FANCC: variants seen among roughly 807,000 people sequenced by gnomAD.
FANCC encodes FA complementation group C.
In FANCC, 55 loss-of-function variants were observed where a neutral mutation model predicts 71.3. The observed-to-expected ratio is 0.77, with a 90% CI of 0.62 to 0.97. FANCC has a LOEUF of 0.97. FANCC is among the 50% of genes least tolerant of loss of function. The pLI is 0.00. For missense variants in FANCC, 678 were observed against 670.9 expected (o/e 1.01, Z -0.12); for synonymous variants, 275 against 244.9 (o/e 1.12, Z -1.15).
At chr9:95,139,958 T>C (rs1828382668) in intron 7 of FANCC, among the ~76,000 whole-genome samples, 1 of 151,546 alleles carries the variant, frequency 6.6e-6, no homozygotes, top group African/African-American at 2.4e-5. Flanking sequence ...TTCAATACGT[T>C]AGTGACAGAA....
At chr9:95,293,954 C>T in intron 1 of FANCC, 2 of 1,585,470 alleles carry the variant, frequency 1.3e-6, no homozygotes, top group Non-Finnish European at 1.7e-6. Context: ...AGTTTAGTAG[C>T]AGAGATAGTA....
chr9:95,309,436 T>A (rs976546445), intron 1 of FANCC, among the ~76,000 whole-genome samples: 1 of 152,222 alleles, frequency 6.6e-6, no homozygotes, highest in Non-Finnish European at 1.5e-5. Flanking sequence ...TTATATAGTG[T>A]TTTATTATAA....
At chr9:95,160,809 TC>T (rs1262807067) in intron 6 of FANCC, among the ~76,000 whole-genome samples, 1 of 152,200 alleles carries the variant, frequency 6.6e-6, no homozygotes, top group Non-Finnish European at 1.5e-5. Context: ...GGGAGTTCAC[TC>T]ATGATTTGGC....
chr9:95,211,346 A>G (rs1828485804), intron 4 of FANCC, among the ~76,000 whole-genome samples: 2 of 152,220 alleles, frequency 1.3e-5, no homozygotes, highest in Non-Finnish European at 2.9e-5. Flanking sequence ...GATAGAGAAA[A>G]GGCTCCAGAA....
At chr9:95,165,086 C>T (rs892799318) in intron 6 of FANCC, among the ~76,000 whole-genome samples, 1 of 151,800 alleles carries the variant, frequency 6.6e-6, no homozygotes, top group Non-Finnish European at 1.5e-5. Context: ...TCATAGTAGT[C>T]TCAATCTTTT....
At chr9:95,201,616 T>C (rs867949765) in intron 4 of FANCC, among the ~76,000 whole-genome samples, 1 of 151,842 alleles carries the variant, frequency 6.6e-6, no homozygotes. Context: ...AAGAAAAGGA[T>C]GAAGGAAAAA....
intron 1 of FANCC, among the ~76,000 whole-genome samples, chr9:95,302,490 T>G (rs1252876236): frequency 6.6e-6 from 1 of 152,170 alleles, no homozygotes; most frequent in African/African-American, 2.4e-5. Context: ...TGGGGTAGAT[T>G]CCAGGAAATT....
chr9:95,124,768 G>C (rs1439612315), intron 10 of FANCC, among the ~76,000 whole-genome samples: 1 of 152,200 alleles, frequency 6.6e-6, no homozygotes, highest in African/African-American at 2.4e-5. Flanking sequence ...GCAGCCAGGG[G>C]GCAGTGTCCT....
chr9:95,149,955 C>T lies in FANCC; in HGVS notation c.654G>A (p.Glu218=), dbSNP rs754705988. Residue 218 remains glutamate (E), a synonymous_variant, in exon 7 of 15, where the codon GAG becomes GAA. Coordinates refer to ENST00000289081, the MANE Select transcript of FANCC (RefSeq NM_000136.3). ...GREPQEILQP[E]FFEAVNEAIL... Reference sequence around the variant, plus strand: ...TGGCCTCGTTTACAGCCTCAAAGAACTCTGGCTGGAGGATTTCCTGAGGTT... The same window carrying T: ...TGGCCTCGTTTACAGCCTCAAAGAATTCTGGCTGGAGGATTTCCTGAGGTT... 15 of 1,611,044 alleles carry T rather than the reference C, an allele frequency of 9.3e-6. No individual in the cohort carries two copies. Among genetic ancestry groups the T allele is most frequent in the Admixed American group, 1.7e-5 (1 of 59,434 alleles).
chr9:95,313,775 A>C (rs1835561564), intron 1 of FANCC, among the ~76,000 whole-genome samples: 1 of 152,248 alleles, frequency 6.6e-6, no homozygotes, highest in African/African-American at 2.4e-5. Flanking sequence ...ACTAAATGGG[A>C]TTTAGAATGC....
intron 4 of FANCC, among the ~76,000 whole-genome samples, chr9:95,202,123 G>T (rs1486591632): frequency 1.3e-5 from 2 of 152,220 alleles, no homozygotes; most frequent in African/African-American, 4.8e-5. Context: ...CACCTACAAT[G>T]TTAAATATAT....
At chr9:95,239,456 C>A (rs954832949) in intron 4 of FANCC, among the ~76,000 whole-genome samples, 1 of 152,166 alleles carries the variant, frequency 6.6e-6, no homozygotes, top group African/African-American at 2.4e-5. Context: ...ACTCTAAAAA[C>A]ACTTCATTAG....
At chr9:95,239,046 C>T (rs1480366103) in intron 4 of FANCC, among the ~76,000 whole-genome samples, 4 of 152,174 alleles carry the variant, frequency 2.6e-5, no homozygotes, top group Non-Finnish European at 1.5e-5. Context: ...TGCTTTCTCA[C>T]CACCATACTT....
At chr9:95,222,460 G>C (rs1406444353) in intron 4 of FANCC, among the ~76,000 whole-genome samples, 2 of 152,102 alleles carry the variant, frequency 1.3e-5, no homozygotes, top group Non-Finnish European at 2.9e-5. Flanking sequence ...ACAGAAAGCA[G>C]ATCAGTGGCT....
rs189837340 is a variant in FANCC, at chr9:95,105,741, G to A, written c.1533+1325C>T. Among the ~76,000 whole-genome samples the A allele has an allele frequency of 2.6e-5, 4 of 152,234 alleles. No individual in the cohort carries two copies. In the East Asian group the frequency reaches 5.8e-4, roughly 22 times the overall value. ...CCTAAGTGACTCATACAACATCCTC[G>A]TTTCTGGCTTATTTCAACAGCACAG... is the stretch of plus-strand genomic sequence containing the variant. On this transcript the variant is annotated intron_variant, in intron 14 of 14. Coordinates refer to ENST00000289081, the MANE Select transcript of FANCC (RefSeq NM_000136.3).
At position 95,253,705 on chromosome 9, in the gene FANCC, G is replaced by A. The variant is rs1476923167; in HGVS notation, c.-78-4336C>T. Among the ~76,000 whole-genome samples, 4 of 151,822 alleles carry A rather than the reference G, an allele frequency of 2.6e-5. No individual in the cohort carries two copies. The East Asian group carries it at 5.8e-4, about 22-fold the overall frequency. On this transcript the variant is annotated intron_variant, in intron 1 of 14. Transcript: ENST00000289081. ...GTTTTGGGGGAACAGGTGGTATTTG[G>A]TTACACGGTAAGTCCTTTAGTGGTG...
chr9:95,148,412 A>G (rs1829850213), intron 7 of FANCC, among the ~76,000 whole-genome samples: 1 of 152,208 alleles, frequency 6.6e-6, no homozygotes, highest in African/African-American at 2.4e-5. Flanking sequence ...ACATTTTAGG[A>G]TTAGGCACAT....
At chr9:95,310,392 A>G (rs1479393813) in intron 1 of FANCC, among the ~76,000 whole-genome samples, 2 of 150,876 alleles carry the variant, frequency 1.3e-5, no homozygotes, top group East Asian at 1.9e-4. Flanking sequence ...GGAGGGGGGG[A>G]ATTCGTTGGT....
intron 1 of FANCC, among the ~76,000 whole-genome samples, chr9:95,254,882 C>T (rs1430448944): frequency 6.6e-6 from 1 of 152,160 alleles, no homozygotes; most frequent in Non-Finnish European, 1.5e-5. Flanking sequence ...GATGCTTGAG[C>T]TTGGTGGGGG....
Sources: allele counts gnomAD v4.1 joint callset (sites outside exome capture counted in the v4.1 genomes callset), GRCh38; gene constraint gnomAD v4.1.1; transcripts MANE v1.5; gene names NCBI Gene and HGNC (gene_info 2026-07-23, HGNC 2026-07-21).